The following PTGER4 variants were observed in gnomAD, a reference collection of about 807,000 sequenced individuals.
The protein encoded by PTGER4 is prostaglandin E2 receptor EP4 subtype.
In PTGER4, 11 loss-of-function variants were observed where a neutral mutation model predicts 33.2. The ratio of observed to expected loss-of-function variants is 0.33; its 90% CI spans 0.21 to 0.55. The LOEUF (loss-of-function observed/expected upper bound fraction) is 0.55. Ranked by LOEUF, PTGER4 falls within the 20% of genes least tolerant of loss-of-function variation. The pLI, the probability that PTGER4 is intolerant of heterozygous loss-of-function variation, is 0.92. For synonymous variants in PTGER4, 275 were observed against 281.5 expected (o/e 0.98, Z 0.23); for missense variants, 481 against 650.2 (o/e 0.74, Z 2.83).
chr5:40,685,652 C>T (rs1367036715), intron 2 of PTGER4, among the ~76,000 whole-genome samples: 1 of 152,194 alleles, frequency 6.6e-6, no homozygotes. Flanking sequence ...ATTTCCACAT[C>T]TGGCATTTCA....
chr5:40,685,338 GT>G (rs1456644150), intron 2 of PTGER4: 21 of 945,844 alleles, frequency 2.2e-5, no homozygotes, highest in Non-Finnish European at 2.6e-5. Flanking sequence ...ATCAGCAAAA[GT>G]TTATAAGGAC....
chr5:40,686,909 A>G (rs1741337207), intron 2 of PTGER4, among the ~76,000 whole-genome samples: 1 of 152,188 alleles, frequency 6.6e-6, no homozygotes, highest in African/African-American at 2.4e-5. Flanking sequence ...AAGAAAATAA[A>G]ATAATTTAGA....
chr5:40,719,696 C>G, the PTGER4 span, among the ~76,000 whole-genome samples: 113 of 152,220 alleles, frequency 7.4e-4, 1 homozygote, highest in East Asian at 0.017. Flanking sequence ...TTCTCCACAC[C>G]CTCACCAACA....
chr5:40,742,867 A>G, the PTGER4 span, among the ~76,000 whole-genome samples: 2 of 152,194 alleles, frequency 1.3e-5, no homozygotes, highest in Admixed American at 1.3e-4. Context: ...TATTCTATAG[A>G]TATCATGCAG....
At chr5:40,734,706 T>G in the PTGER4 span, among the ~76,000 whole-genome samples, 9 of 152,196 alleles carry the variant, frequency 5.9e-5, no homozygotes, top group African/African-American at 2.2e-4. Context: ...TTTATAAATA[T>G]TTACTGGGCA....
chr5:40,682,748 A>G (rs1741231081), intron 2 of PTGER4, among the ~76,000 whole-genome samples: 1 of 152,246 alleles, frequency 6.6e-6, no homozygotes, highest in Non-Finnish European at 1.5e-5. Context: ...TTCAAGCCAA[A>G]GCTCTACAGC....
At chr5:40,723,122 C>CTATA in the PTGER4 span, among the ~76,000 whole-genome samples, 3 of 152,136 alleles carry the variant, frequency 2.0e-5, no homozygotes, top group Non-Finnish European at 4.4e-5. Context: ...TGCTGTTAAT[C>CTATA]TATAACCTTA....
the PTGER4 span, among the ~76,000 whole-genome samples, chr5:40,709,962 C>T: frequency 1.3e-4 from 20 of 152,288 alleles, no homozygotes; most frequent in Non-Finnish European, 2.4e-4. Context: ...AGACCTAAAA[C>T]CATAAAAACC....
At chr5:40,708,541 T>C in the PTGER4 span, among the ~76,000 whole-genome samples, 1 of 152,138 alleles carries the variant, frequency 6.6e-6, no homozygotes, top group Non-Finnish European at 1.5e-5. Flanking sequence ...CAATAATTAA[T>C]AGCTTACCAA....
the PTGER4 span, among the ~76,000 whole-genome samples, chr5:40,743,840 A>G: frequency 2.0e-5 from 3 of 152,370 alleles, no homozygotes; most frequent in East Asian, 5.8e-4. Context: ...ATAAATGCTA[A>G]AGAGCAAAAA....
the PTGER4 span, among the ~76,000 whole-genome samples, chr5:40,703,880 G>T: frequency 8.9e-6 from 1 of 112,636 alleles, no homozygotes; most frequent in African/African-American, 3.5e-5. Flanking sequence ...TCCAGCCCGG[G>T]CAACAGAGCA....
chr5:40,697,226 AAAAGAAAGAAAGAAAGAAAGAAAG>A (rs70988803), downstream of PTGER4, among the ~76,000 whole-genome samples: 2,704 of 112,590 alleles, frequency 0.024, 50 homozygotes, highest in South Asian at 0.041. Context: ...AAGAAAGAAG[AAAAGAAAGAAAGAAAGAAAGAAAG>A]AAAGAAAGAA....
chr5:40,717,100 G>C, the PTGER4 span, among the ~76,000 whole-genome samples: 2 of 151,874 alleles, frequency 1.3e-5, no homozygotes, highest in Non-Finnish European at 2.9e-5. Context: ...ATGATGGCGG[G>C]TGCCTGTAAT....
chr5:40,728,047 C>T, the PTGER4 span, among the ~76,000 whole-genome samples: 10 of 151,868 alleles, frequency 6.6e-5, no homozygotes, highest in African/African-American at 1.7e-4. Flanking sequence ...TTTGGGAGGC[C>T]GAGGCTGGAG....
At chr5:40,696,355 C>T (rs1741584166), downstream of PTGER4, among the ~76,000 whole-genome samples, 1 of 152,188 alleles carries the variant, frequency 6.6e-6, no homozygotes, top group Non-Finnish European at 1.5e-5. Flanking sequence ...ATACTGCCCC[C>T]ACCTCATGCC....
the PTGER4 span, among the ~76,000 whole-genome samples, chr5:40,722,532 G>A: frequency 6.6e-6 from 1 of 151,882 alleles, no homozygotes; most frequent in Non-Finnish European, 1.5e-5. Flanking sequence ...CGTCTGGAAT[G>A]TGAGGAGCGC....
At chr5:40,695,942 A>G (rs1741577331), downstream of PTGER4, among the ~76,000 whole-genome samples, 1 of 152,258 alleles carries the variant, frequency 6.6e-6, no homozygotes, top group South Asian at 2.1e-4. Context: ...GGTGGGGGAG[A>G]GCAAGGGTTG....
chr5:40,728,986 G>A, the PTGER4 span, among the ~76,000 whole-genome samples: 1 of 152,204 alleles, frequency 6.6e-6, no homozygotes, highest in Admixed American at 6.5e-5. Context: ...TAGGGTTAGG[G>A]TTAGGGAGAG....
the PTGER4 span, among the ~76,000 whole-genome samples, chr5:40,725,161 T>C: frequency 6.6e-6 from 1 of 151,494 alleles, no homozygotes; most frequent in Non-Finnish European, 1.5e-5. Context: ...TTTTTTTTTT[T>C]TTTTTTTGTA....
Sources: allele counts gnomAD v4.1 joint callset (sites outside exome capture counted in the v4.1 genomes callset), GRCh38; gene constraint gnomAD v4.1.1; transcripts MANE v1.5; gene names NCBI Gene and HGNC (gene_info 2026-07-23, HGNC 2026-07-21).